The following TTC39B variants were observed in gnomAD, a reference collection of about 807,000 sequenced individuals.
TTC39B encodes tetratricopeptide repeat domain 39B, also known as tetratricopeptide repeat protein 39B.
A neutral mutation model predicts 96.6 loss-of-function variants in TTC39B; 92 were observed. The ratio of observed to expected loss-of-function variants is 0.95; its 90% CI spans 0.80 to 1.13. The LOEUF is 1.13. Ranked by LOEUF, TTC39B falls within the 50% of genes most tolerant of loss-of-function variation. The pLI, the probability that TTC39B is intolerant of heterozygous loss-of-function variation, is 0.00. For synonymous variants in TTC39B, 367 were observed against 299.4 expected (o/e 1.23, Z -2.33); for missense variants, 955 against 809.3 (o/e 1.18, Z -2.18).
intron 1 of TTC39B, among the ~76,000 whole-genome samples, chr9:15,282,647 C>T (rs1587004163): frequency 6.6e-6 from 1 of 152,250 alleles, no homozygotes; most frequent in East Asian, 1.9e-4. Context: ...CTCTATGAGC[C>T]AGACACTGCT....
intron 18 of TTC39B, among the ~76,000 whole-genome samples, chr9:15,176,469 A>G (rs774063644): frequency 1.5e-4 from 23 of 152,192 alleles, no homozygotes; most frequent in Non-Finnish European, 2.6e-4. Flanking sequence ...AAGTCCTCCT[A>G]TATTCCCATC....
chr9:15,287,870 C>T (rs1448588754), intron 1 of TTC39B, among the ~76,000 whole-genome samples: 1 of 148,100 alleles, frequency 6.8e-6, no homozygotes, highest in Non-Finnish European at 1.5e-5. Flanking sequence ...GGCGTGAACC[C>T]AGGAGGCGGA....
chr9:15,236,397 CATCACTAGACAG>C (rs1348315378), intron 2 of TTC39B, among the ~76,000 whole-genome samples: 1 of 152,224 alleles, frequency 6.6e-6, no homozygotes, highest in African/African-American at 2.4e-5. Context: ...CCTCCACTGA[CATCACTAGACAG>C]ATCATCGAGG....
intron 3 of TTC39B, among the ~76,000 whole-genome samples, chr9:15,222,878 G>C (rs1297529009): frequency 2.0e-5 from 3 of 152,110 alleles, no homozygotes; most frequent in Admixed American, 1.3e-4. Context: ...CATTTCCTAT[G>C]GAAAAATACA....
At chr9:15,207,983 CAA>C (rs531829809) in intron 6 of TTC39B, among the ~76,000 whole-genome samples, 14 of 84,614 alleles carry the variant, frequency 1.7e-4, no homozygotes, top group Admixed American at 1.4e-4. Context: ...GACTTGGTCT[CAA>C]AAAAAAAAAA....
intron 2 of TTC39B, among the ~76,000 whole-genome samples, chr9:15,230,064 C>CTGGTCATGATATGCATCTGA (rs1821338527): frequency 6.6e-6 from 1 of 152,156 alleles, no homozygotes; most frequent in Non-Finnish European, 1.5e-5. Context: ...AATATCTGAA[C>CTGGTCATGATATGCATCTGA]ACTGCACTGA....
At chr9:15,199,375 G>A (rs1334414815) in intron 8 of TTC39B, among the ~76,000 whole-genome samples, 1 of 152,102 alleles carries the variant, frequency 6.6e-6, no homozygotes, top group Non-Finnish European at 1.5e-5. Flanking sequence ...CTTAAATTCT[G>A]TTGTCCTATA....
At chr9:15,250,108 A>G in intron 2 of TTC39B, 3 of 1,258,382 alleles carry the variant, frequency 2.4e-6, no homozygotes, top group Non-Finnish European at 3.1e-6. Context: ...TCTCAGGCAC[A>G]AGCAAAGTAG....
intron 2 of TTC39B, among the ~76,000 whole-genome samples, chr9:15,259,576 G>C (rs1487481198): frequency 6.6e-6 from 1 of 152,102 alleles, no homozygotes; most frequent in Admixed American, 6.5e-5. Flanking sequence ...CTGATGAACA[G>C]ATAAATAAAA....
chr9:15,236,168 A>G (rs1821771008), intron 2 of TTC39B, among the ~76,000 whole-genome samples: 1 of 152,262 alleles, frequency 6.6e-6, no homozygotes, highest in Admixed American at 6.5e-5. Flanking sequence ...AGGAGTGACT[A>G]TTCTCATATC....
intron 2 of TTC39B, among the ~76,000 whole-genome samples, chr9:15,258,984 G>A (rs1482608340): frequency 6.6e-6 from 1 of 151,994 alleles, no homozygotes; most frequent in Non-Finnish European, 1.5e-5. Context: ...CACAGTGGCA[G>A]GTCTAAACAC....
At chr9:15,283,511 T>C (rs902900355) in intron 1 of TTC39B, among the ~76,000 whole-genome samples, 7 of 151,816 alleles carry the variant, frequency 4.6e-5, no homozygotes, top group Non-Finnish European at 8.8e-5. Flanking sequence ...ATAGCCTGAG[T>C]TCCTTTTCAT....
At chr9:15,244,295 A>G (rs1254390474) in intron 2 of TTC39B, among the ~76,000 whole-genome samples, 2 of 152,210 alleles carry the variant, frequency 1.3e-5, no homozygotes, top group African/African-American at 4.8e-5. Context: ...CTCTTACCAC[A>G]TGACTGGAGC....
Position 15,267,902 on chromosome 9 carries a change from G to C in TTC39B, c.275+12C>G. ...TTCCTTACTACATACTTTTTATTAT[G>C]TTATTACTTACATTGAGATGGTTTC... On this transcript the variant is annotated intron_variant, in intron 2 of 19. Transcript: ENST00000512701. 6.2e-7 allele frequency: 1 copy of C among 1,603,200 alleles called. No homozygotes were observed. Among genetic ancestry groups the C allele is most frequent in the Non-Finnish European group, 8.5e-7 (1 of 1,174,786 alleles).
intron 17 of TTC39B, 139 bp downstream of exon 17, chr9:15,182,168 C>T (rs1464286331): frequency 2.7e-5 from 14 of 510,836 alleles, no homozygotes; most frequent in Non-Finnish European, 1.0e-5. Flanking sequence ...TGACTGCAAT[C>T]ACCCAGACCC....
At chr9:15,193,725 C>G (rs1001464725) in intron 8 of TTC39B, among the ~76,000 whole-genome samples, 1 of 152,110 alleles carries the variant, frequency 6.6e-6, no homozygotes, top group African/African-American at 2.4e-5. Flanking sequence ...AGTTAAAAGG[C>G]CTTTGAAACT....
At chr9:15,178,994 T>C (rs148773613) in intron 17 of TTC39B, among the ~76,000 whole-genome samples, 2 of 152,314 alleles carry the variant, frequency 1.3e-5, no homozygotes, top group East Asian at 3.9e-4. Flanking sequence ...CTGAAGTACA[T>C]GAAAGGCACC....
exon 1 of TTC39B, chr9:15,307,205 C>A: frequency 6.4e-7 from 1 of 1,564,926 alleles, no homozygotes; most frequent in Non-Finnish European, 8.7e-7. Context: ...TGGGCTCAGC[C>A]CAGCGCAAAG....
chr9:15,295,075 G>A (rs10114494), intron 1 of TTC39B, among the ~76,000 whole-genome samples: 36,690 of 152,068 alleles, frequency 0.24, 4,955 homozygotes, highest in Admixed American at 0.29. Flanking sequence ...ATGCTTACAT[G>A]CACATGAAGG....
Sources: gnomAD v4.1 joint callset for allele counts (sites outside exome capture counted in the v4.1 genomes callset) on GRCh38, gnomAD v4.1.1 for gene constraint, MANE v1.5 for transcripts, NCBI Gene and HGNC (gene_info 2026-07-23, HGNC 2026-07-21) for gene names.